Variants in COLEC10 observed in about 807,000 individuals in gnomAD.
COLEC10 encodes collectin-10.
A neutral mutation model predicts 28.4 loss-of-function variants in COLEC10; 22 were observed. The observed-to-expected ratio is 0.78, with a 90% CI of 0.55 to 1.11. The LOEUF (loss-of-function observed/expected upper bound fraction) is 1.11, where lower values mean the gene tolerates loss of function less well. Among genes scored for constraint, COLEC10 ranks in the 50% least tolerant of loss-of-function variants. The pLI is 0.00. For synonymous variants in COLEC10, 125 were observed against 116.1 expected (o/e 1.08, Z -0.49); for missense variants, 361 against 344.1 (o/e 1.05, Z -0.39).
At position 119,032,867 on chromosome 8, in the gene COLEC10, A is replaced by C. The variant is rs12678460; in HGVS notation, n.235+23314A>C. ...CAGTGAGCTGAGATCGCGCCTCTGC[A>C]CCGGAGCCTGGGCGGCAGAGTGAGA... On this transcript the variant is annotated intron_variant and non_coding_transcript_variant, in intron 2 of 6. Transcript: ENST00000521788. Among the ~76,000 whole-genome samples the C allele has an allele frequency of 1.1e-4, 17 of 152,318 alleles. No homozygotes were observed. In the East Asian group the frequency reaches 2.9e-3, roughly 26 times the overall value.
intron 2 of COLEC10, among the ~76,000 whole-genome samples, chr8:119,035,885 C>T (rs1039266607): frequency 3.3e-5 from 5 of 152,182 alleles, no homozygotes; most frequent in Admixed American, 6.5e-5. Flanking sequence ...ATAAGATGTT[C>T]CCATTTCAAG....
At chr8:119,028,732 C>G (rs1814237707) in intron 2 of COLEC10, among the ~76,000 whole-genome samples, 1 of 152,052 alleles carries the variant, frequency 6.6e-6, no homozygotes, top group Non-Finnish European at 1.5e-5. Flanking sequence ...TGAAAATGCT[C>G]CATAATCTAT....
the COLEC10 span, among the ~76,000 whole-genome samples, chr8:118,966,173 T>C: frequency 6.6e-6 from 1 of 152,086 alleles, no homozygotes; most frequent in Non-Finnish European, 1.5e-5. Flanking sequence ...CCCAAGAATA[T>C]GGAAAAAAAT....
the COLEC10 span, among the ~76,000 whole-genome samples, chr8:118,971,572 C>T: frequency 6.6e-6 from 1 of 151,926 alleles, no homozygotes; most frequent in African/African-American, 2.4e-5. Context: ...CTGTTTATAT[C>T]CGTTTCTTTC....
At chr8:119,012,588 C>A (rs79735741) in intron 2 of COLEC10, among the ~76,000 whole-genome samples, 6,841 of 150,376 alleles carry the variant, frequency 0.045, 440 homozygotes, top group East Asian at 0.16. Context: ...ACTAGTGAAA[C>A]CTTCTGGTCC....
In COLEC10 at chr8:119,098,859, G is replaced by A. The variant is rs118034226; in HGVS notation, c.293-3489G>A. Among the ~76,000 whole-genome samples the A allele has an allele frequency of 9.0e-4, 137 of 152,060 alleles. 1 individual carries two copies. In the East Asian group the frequency reaches 0.024, roughly 26 times the overall value. On this transcript the variant is annotated intron_variant, in intron 3 of 5. Transcript: ENST00000332843. ...GAGATGCAATGTTCCGTCTCACTCGGATTAATTTCATTTTTAATCTGTACT... is the reference window on the plus strand; with the variant it reads ...GAGATGCAATGTTCCGTCTCACTCGAATTAATTTCATTTTTAATCTGTACT...
chr8:118,959,861 A>G, the COLEC10 span, among the ~76,000 whole-genome samples: 1 of 152,196 alleles, frequency 6.6e-6, no homozygotes, highest in African/African-American at 2.4e-5. Context: ...CTCTTGATCA[A>G]AGCTTGTTTT....
At chr8:119,080,258 T>C (rs1379019614) in intron 1 of COLEC10, among the ~76,000 whole-genome samples, 1 of 152,110 alleles carries the variant, frequency 6.6e-6, no homozygotes, top group African/African-American at 2.4e-5. Flanking sequence ...CCTGTATCGC[T>C]AGGACACAAC....
At chr8:119,017,318 A>G (rs1336971596) in intron 2 of COLEC10, among the ~76,000 whole-genome samples, 1 of 152,154 alleles carries the variant, frequency 6.6e-6, no homozygotes. Context: ...TTATAAGGCA[A>G]TACCTACCAA....
chr8:119,096,382 G>C (rs747500035), intron 3 of COLEC10, among the ~76,000 whole-genome samples: 8 of 152,060 alleles, frequency 5.3e-5, no homozygotes, highest in African/African-American at 1.9e-4. Flanking sequence ...ACCTGAGATC[G>C]GGAATTCGAG....
intron 1 of COLEC10, among the ~76,000 whole-genome samples, chr8:119,072,435 T>C (rs1815143351): frequency 6.6e-6 from 1 of 152,316 alleles, no homozygotes; most frequent in South Asian, 2.1e-4. Flanking sequence ...AATACTTTAT[T>C]ATCTCAATGG....
At position 119,107,476 on chromosome 8, in the gene COLEC10, A is replaced by G. The variant is rs1231067019; in HGVS notation, c.*1285A>G. Among the ~76,000 whole-genome samples, 2 of 152,236 alleles carry G rather than the reference A, an allele frequency of 1.3e-5. No homozygotes were observed. Among genetic ancestry groups the G allele is most frequent in the African/African-American group, 4.8e-5 (2 of 41,470 alleles). Reference sequence around the variant, plus strand: ...TTCTACTCCAGTTATGGTTTCTGACATATGATTAGACTGTTTCAAATGCTG... The same window carrying G: ...TTCTACTCCAGTTATGGTTTCTGACGTATGATTAGACTGTTTCAAATGCTG... On this transcript the variant is annotated 3_prime_UTR_variant, in exon 6 of 6. Transcript: ENST00000332843.
At chr8:118,956,397 C>T in the COLEC10 span, among the ~76,000 whole-genome samples, 4 of 152,188 alleles carry the variant, frequency 2.6e-5, no homozygotes, top group Non-Finnish European at 5.9e-5. Context: ...AGAGAAAACT[C>T]TCTTAAACTG....
intron 1 of COLEC10, among the ~76,000 whole-genome samples, chr8:119,001,444 C>T (rs1233665863): frequency 1.3e-5 from 2 of 152,012 alleles, no homozygotes; most frequent in Non-Finnish European, 2.9e-5. Flanking sequence ...AGCAAGAAAC[C>T]CTGTCTCTGG....
At chr8:118,989,439 C>T in the COLEC10 span, among the ~76,000 whole-genome samples, 7 of 151,880 alleles carry the variant, frequency 4.6e-5, no homozygotes, top group East Asian at 1.4e-3. Flanking sequence ...AAAAACCATG[C>T]TCAAGTGTTT....
chr8:119,002,290 ACAT>A, intron 1 of COLEC10, among the ~76,000 whole-genome samples: 1 of 152,260 alleles, frequency 6.6e-6, no homozygotes, highest in African/African-American at 2.4e-5. Context: ...TATTAATAAA[ACAT>A]CATAAATGTG....
At chr8:119,031,800 T>C (rs1035106165) in intron 2 of COLEC10, among the ~76,000 whole-genome samples, 2 of 152,250 alleles carry the variant, frequency 1.3e-5, no homozygotes, top group African/African-American at 4.8e-5. Context: ...TATTAAGTTT[T>C]ACTTGACCTT....
At chr8:119,070,476 T>TCTCTCTCTCTCTCC (rs1554627418) in intron 1 of COLEC10, among the ~76,000 whole-genome samples, 5 of 99,038 alleles carry the variant, frequency 5.0e-5, no homozygotes, top group African/African-American at 2.2e-4. Flanking sequence ...TCTCTCTCTC[T>TCTCTCTCTCTCTCC]CCTTCCCCCT....
At chr8:118,992,763 T>C (rs141580754), upstream of COLEC10, among the ~76,000 whole-genome samples, 115 of 152,304 alleles carry the variant, frequency 7.6e-4, no homozygotes, top group African/African-American at 2.7e-3. Context: ...ATATTTATCA[T>C]ACATCCCAAA....
Sources: gnomAD v4.1 joint callset for allele counts (sites outside exome capture counted in the v4.1 genomes callset) on GRCh38, gnomAD v4.1.1 for gene constraint, MANE v1.5 for transcripts, NCBI Gene and HGNC (gene_info 2026-07-23, HGNC 2026-07-21) for gene names.